Variants in KIAA1217 observed in about 807,000 individuals in gnomAD.
The protein encoded by KIAA1217 is KIAA1217.
In KIAA1217, 88 loss-of-function variants were observed where a neutral mutation model predicts 163.9. The ratio of observed to expected loss-of-function variants is 0.54; its 90% CI spans 0.45 to 0.64. The LOEUF is 0.64. KIAA1217 is among the 30% of genes least tolerant of loss of function. KIAA1217 has a pLI of 0.00. For synonymous variants in KIAA1217, 903 were observed against 923.1 expected (o/e 0.98, Z 0.39); for missense variants, 2,372 against 2,475.0 (o/e 0.96, Z 0.88).
intron 1 of KIAA1217, among the ~76,000 whole-genome samples, chr10:23,796,170 A>G (rs957424955): frequency 6.6e-6 from 1 of 152,132 alleles, no homozygotes; most frequent in South Asian, 2.1e-4. Flanking sequence ...CCCAAAGGAC[A>G]TAGGGGTGTG....
chr10:24,376,883 A>G (rs1287495645), intron 2 of KIAA1217, among the ~76,000 whole-genome samples: 2 of 151,898 alleles, frequency 1.3e-5, no homozygotes, highest in East Asian at 1.9e-4. Context: ...TGCTTTTTCT[A>G]TTTTCTCAGT....
At position 24,189,704 on chromosome 10, in the gene KIAA1217, A is replaced by C. The variant is rs150731582; in HGVS notation, c.-170-29922A>C. Among the ~76,000 whole-genome samples, 462 of 152,276 alleles carry C rather than the reference A, an allele frequency of 3.0e-3. 3 individuals carry two copies. Among genetic ancestry groups the C allele is most frequent in the African/African-American group, 0.011 (450 of 41,556 alleles). On this transcript the variant is annotated intron_variant, in intron 2 of 18. Transcript: ENST00000376462. ...GTTTTTATGTTTGGTTTGATGAAGA[A>C]TGGACAGTCTTGTACAAGTATGATT...
At chr10:24,443,950 T>G (rs2060707879) in intron 5 of KIAA1217, among the ~76,000 whole-genome samples, 1 of 152,110 alleles carries the variant, frequency 6.6e-6, no homozygotes, top group Non-Finnish European at 1.5e-5. Context: ...GTACCTTTTA[T>G]TGTTTTCTCT....
intron 6 of KIAA1217, among the ~76,000 whole-genome samples, chr10:24,484,164 T>A (rs566067615): frequency 1.0e-4 from 15 of 146,692 alleles, no homozygotes; most frequent in Non-Finnish European, 2.1e-4. Flanking sequence ...TATATGTGTG[T>A]GTATATATAT....
intron 2 of KIAA1217, among the ~76,000 whole-genome samples, chr10:24,255,926 G>A (rs1297649924): frequency 4.0e-5 from 6 of 151,770 alleles, no homozygotes; most frequent in Admixed American, 2.0e-4. Context: ...TTCTAAGTAT[G>A]GTGTAATCAG....
intron 2 of KIAA1217, among the ~76,000 whole-genome samples, chr10:24,359,341 C>T (rs945920525): frequency 6.6e-6 from 1 of 152,094 alleles, no homozygotes; most frequent in African/African-American, 2.4e-5. Context: ...GATCTGCCCG[C>T]CTCGGCCTCC....
intron 1 of KIAA1217, among the ~76,000 whole-genome samples, chr10:23,894,389 A>G (rs1288311454): frequency 6.6e-6 from 1 of 150,582 alleles, no homozygotes; most frequent in Non-Finnish European, 1.5e-5. Flanking sequence ...TCCCATTCAC[A>G]ATTGCTTCAA....
intron 3 of KIAA1217, among the ~76,000 whole-genome samples, chr10:24,383,359 G>A (rs924171799): frequency 6.6e-6 from 1 of 152,212 alleles, no homozygotes; most frequent in African/African-American, 2.4e-5. Flanking sequence ...TGTCTTAAAG[G>A]AAGGAATTTC....
rs1173804858 is a variant in KIAA1217, at chr10:23,766,575, T to TTTTC, written c.-321+71353_-321+71356dup. Among the ~76,000 whole-genome samples the TTTTC allele has an allele frequency of 8.8e-4, 132 of 150,850 alleles. 2 individuals carry two copies. Among genetic ancestry groups the TTTTC allele is most frequent in the Middle Eastern group, 3.4e-3 (1 of 294 alleles). On this transcript the variant is annotated intron_variant, in intron 1 of 18. Coordinates refer to the KIAA1217 transcript ENST00000376462. The stretch of plus-strand genomic sequence containing the variant: ...CTTTTTTCTTTTTCTTTTCTTTTTT[T>TTTTC]TTTCTTTCTTTCTTTTTTCTTTTTT...
intron 2 of KIAA1217, among the ~76,000 whole-genome samples, chr10:24,162,509 C>T (rs2065165828): frequency 6.6e-6 from 1 of 152,216 alleles, no homozygotes. Context: ...TCTGTCTCTC[C>T]TCTGTGCAAG....
At chr10:24,214,228 A>G (rs1235796623) in intron 1 of KIAA1217, among the ~76,000 whole-genome samples, 1 of 152,192 alleles carries the variant, frequency 6.6e-6, no homozygotes, top group Non-Finnish European at 1.5e-5. Flanking sequence ...GCGGCCTGCT[A>G]ACCGATTATG....
At chr10:23,955,063 A>C (rs189715184) in intron 1 of KIAA1217, among the ~76,000 whole-genome samples, 30 of 152,198 alleles carry the variant, frequency 2.0e-4, no homozygotes, top group African/African-American at 7.0e-4. Flanking sequence ...TACTGTGCCC[A>C]GTTTTTTATA....
chr10:24,457,601 A>G (rs572829179), intron 5 of KIAA1217, among the ~76,000 whole-genome samples: 64 of 152,104 alleles, frequency 4.2e-4, no homozygotes, highest in African/African-American at 1.5e-3. Flanking sequence ...GGGCCTTGCT[A>G]TGTTGCCCAG....
At chr10:24,441,510 C>A (rs993223535) in intron 5 of KIAA1217, among the ~76,000 whole-genome samples, 1 of 152,134 alleles carries the variant, frequency 6.6e-6, no homozygotes, top group Non-Finnish European at 1.5e-5. Context: ...AGGAAGCGTG[C>A]TAGACTAGGC....
At chr10:24,475,429 T>G (rs1455725401) in intron 6 of KIAA1217, among the ~76,000 whole-genome samples, 1 of 152,212 alleles carries the variant, frequency 6.6e-6, no homozygotes, top group Non-Finnish European at 1.5e-5. Flanking sequence ...CACAGTTTTA[T>G]TATGAAAGGG....
chr10:24,116,752 C>T (rs2131761576), intron 2 of KIAA1217, among the ~76,000 whole-genome samples: 1 of 152,236 alleles, frequency 6.6e-6, no homozygotes, highest in Non-Finnish European at 1.5e-5. Flanking sequence ...CCCTCCTTAC[C>T]TCTCTTAATT....
At chr10:24,369,316 G>A (rs891131466) in intron 2 of KIAA1217, among the ~76,000 whole-genome samples, 4 of 151,712 alleles carry the variant, frequency 2.6e-5, no homozygotes, top group African/African-American at 9.7e-5. Flanking sequence ...AACAGTGAAC[G>A]CTATTCCCAG....
intron 1 of KIAA1217, among the ~76,000 whole-genome samples, chr10:23,804,907 T>C (rs1836662419): frequency 6.6e-6 from 1 of 152,090 alleles, no homozygotes. Flanking sequence ...TATTTTTAGT[T>C]AGGATCTCTG....
intron 1 of KIAA1217, among the ~76,000 whole-genome samples, chr10:23,919,749 A>G (rs1349562059): frequency 2.6e-5 from 4 of 152,082 alleles, no homozygotes; most frequent in Non-Finnish European, 4.4e-5. Flanking sequence ...CATTAACACA[A>G]GGCTTTAGTT....
Sources: gnomAD v4.1 joint callset for allele counts (sites outside exome capture counted in the v4.1 genomes callset) on GRCh38, gnomAD v4.1.1 for gene constraint, MANE v1.5 for transcripts, NCBI Gene and HGNC (gene_info 2026-07-23, HGNC 2026-07-21) for gene names.